The following TTN variants were observed in gnomAD, a reference collection of about 807,000 sequenced individuals.
The protein encoded by TTN is titin, also known as connectin.
A neutral mutation model predicts 3,223.0 loss-of-function variants in TTN; 1,525 were observed. The ratio of observed to expected loss-of-function variants is 0.47; its 90% CI spans 0.45 to 0.49. The LOEUF is 0.49. Ranked by LOEUF, TTN falls within the 20% of genes least tolerant of loss-of-function variation. TTN has a pLI of 0.00. For synonymous variants in TTN, 14,094 were observed against 15,161.0 expected, an observed-to-expected ratio of 0.93 and a Z score of 5.17; for missense variants, 40,786 against 43,424.0, an observed-to-expected ratio of 0.94 and a Z score of 5.40.
In TTN at chr2:178,619,510, G is replaced by T. The variant is rs183952966; in HGVS notation, c.46696+111C>A. The T allele has an allele frequency of 3.6e-6, 5 of 1,376,058 alleles. No individual in the cohort carries two copies. The East Asian group carries it at 9.4e-5, about 26-fold the overall frequency. The allele number at this position is 1,376,058 out of a possible 1,614,324, so 85.2% of individuals were successfully genotyped here. On this transcript the variant is annotated intron_variant, in intron 250 of 362. Coordinates refer to ENST00000589042, the MANE Select transcript of TTN (RefSeq NM_001267550.2). ...ATTAGAGTTGTTAACATGTGGGTAG[G>T]GCTTGCTAGAAATGAAAGACCCTCA...
rs572379183 is a variant in TTN, at chr2:178,630,984, C to T, written c.44015-41G>A. The T allele has an allele frequency of 3.7e-6, 6 of 1,611,346 alleles. No homozygotes were observed. In the South Asian group the frequency reaches 5.5e-5, roughly 15 times the overall value. ...GCCAGCATGGGTCATTAGCCTCTGG[C>T]ACAAATAACCCCAATGCTTCAAGAG... On this transcript the variant is annotated intron_variant, in intron 237 of 362. Transcript: ENST00000589042.
At position 178,775,659 on chromosome 2, in the gene TTN, T is replaced by C. The variant is rs1200982199; in HGVS notation, c.6205A>G (p.Ile2069Val). 6.2e-7 allele frequency: 1 copy of C among 1,614,128 alleles called. No homozygotes were observed. Among genetic ancestry groups the C allele is most frequent in the Admixed American group, 1.7e-5 (1 of 60,014 alleles). ...GCCTCCATACTAGGACTTAGTTCAA[T>C]CTTGTCAGGTTTAAAAGTTGGAATC... ...ITIPTFKPDK[I>V]ELSPSMEAPK... Residue 2069 changes from isoleucine (I) to valine (V), a missense_variant, in exon 28 of 363, where the codon ATT (isoleucine) becomes GTT (valine). By Grantham distance (29) the Ile-to-Val change is conservative. Coordinates refer to ENST00000589042, the MANE Select transcript of TTN (RefSeq NM_001267550.2).
intron 41 of TTN, 144 bp downstream of exon 41, chr2:178,766,234 TATA>T: frequency 1.4e-6 from 1 of 700,342 alleles, no homozygotes; most frequent in East Asian, 2.7e-5. Context: ...TTTCCATAGA[TATA>T]ATGTGAAAAA....
chr2:178,674,648 GA>G (rs1484197497), intron 150 of TTN, among the ~76,000 whole-genome samples: 1 of 150,172 alleles, frequency 6.7e-6, no homozygotes, highest in Non-Finnish European at 1.5e-5. Flanking sequence ...TTTAATGAAA[GA>G]CTTGTTTGAA....
Position 178,732,141 on chromosome 2 carries a change from C to T in TTN, c.16828G>A (p.Asp5610Asn). Residue 5610 changes from aspartate to asparagine, a missense_variant, in exon 57 of 363, where the codon GAC becomes AAC. Asp to Asn is a conservative substitution (Grantham distance 23). Coordinates refer to ENST00000589042, the MANE Select transcript of TTN (RefSeq NM_001267550.2). ...VLRLTDVGIE[D>N]SGEYMCEAQN... Reference sequence around the variant, plus strand: ...GCCTCACACATATATTCACCACTGTCTTCGATGCCAACATCTGTCAGTCTT... The same window carrying T: ...GCCTCACACATATATTCACCACTGTTTTCGATGCCAACATCTGTCAGTCTT... 6.2e-7 allele frequency: 1 copy of T among 1,613,794 alleles called. No homozygotes were observed. Among genetic ancestry groups the T allele is most frequent in the Non-Finnish European group, 8.5e-7 (1 of 1,179,750 alleles).
Position 178,535,240 on chromosome 2 carries a change from T to C in TTN, c.101375A>G (p.Tyr33792Cys). The C allele has an allele frequency of 1.9e-6, 3 of 1,613,986 alleles. No individual in the cohort carries two copies. The highest frequency in any genetic ancestry group is 1.1e-5 in the South Asian group (1 of 91,088). The change falls in exon 358 of 363, where the codon TAT becomes TGT. Residue 33792 changes from tyrosine to cysteine, a missense_variant. Physicochemically the swap from Tyr to Cys is radical, Grantham distance 194. Coordinates refer to ENST00000589042, the MANE Select transcript of TTN (RefSeq NM_001267550.2). ...TKEDKTRAMN[Y>C]DEEVDETREV... is the part of the protein sequence containing the mutation. ...CCTGGTTTCATCTACCTCTTCATCA[T>C]AGTTCATAGCTCTGGTCTTATCTTC... is the stretch of plus-strand genomic sequence containing the variant.
In TTN at chr2:178,554,521, C is replaced by T. The variant is rs758876816; in HGVS notation, c.88826G>A (p.Arg29609Gln). The T allele has an allele frequency of 9.9e-6, 16 of 1,613,524 alleles. No homozygotes were observed. Among genetic ancestry groups the T allele is most frequent in the South Asian group, 9.9e-5 (9 of 91,060 alleles). The change falls in exon 332 of 363, where the codon CGA becomes CAA. Residue 29609 changes from arginine to glutamine, a missense_variant. By Grantham distance (43) the Arg-to-Gln change is conservative (BLOSUM62 1). Transcript: ENST00000589042. ...GCCAATTCCATATTTGTTCACGGCT[C>T]GGACCCGGAAGATGTATTCATTTCC... ...IKGNEYIFRVRAVNKYGIGEP... is the reference protein window; with the variant it reads ...IKGNEYIFRVQAVNKYGIGEP...
intron 47 of TTN, chr2:178,745,563 T>C (rs1443723097): frequency 1.1e-5 from 18 of 1,611,348 alleles, no homozygotes; most frequent in Non-Finnish European, 1.5e-5. Context: ...TAATAATTAC[T>C]GAGGCACTAA....
At position 178,571,937 on chromosome 2, in the gene TTN, T is replaced by C; in HGVS notation, c.74195A>G (p.Asp24732Gly). The change falls in exon 326 of 363, where the codon GAC becomes GGC. Residue 24732 changes from aspartate to glycine, a missense_variant. Physicochemically the swap from Asp to Gly is moderately conservative, Grantham distance 94. Transcript: ENST00000589042. Reference protein sequence around the residue: ...FNTFTVLAGEDLKVDVPFIGR... With the variant: ...FNTFTVLAGEGLKVDVPFIGR... ...AATGAATGGAACATCAACTTTTAGGTCTTCACCTGCCAGTACAGTGAAAGT... is the reference window on the plus strand; with the variant it reads ...AATGAATGGAACATCAACTTTTAGGCCTTCACCTGCCAGTACAGTGAAAGT... The C allele has an allele frequency of 6.2e-7, 1 of 1,613,218 alleles. No individual in the cohort carries two copies. Among genetic ancestry groups the C allele is most frequent in the Non-Finnish European group, 8.5e-7 (1 of 1,179,558 alleles).
chr2:178,793,661 G>A (rs2093627653), intron 8 of TTN, 120 bp from the exon 9 acceptor site: 3 of 1,379,958 alleles, frequency 2.2e-6, no homozygotes, highest in Non-Finnish European at 3.0e-6. Context: ...TTAGCTGGGT[G>A]TGGTGGCGCA....
At position 178,587,932 on chromosome 2, in the gene TTN, G is replaced by C. The variant is rs1218951803; in HGVS notation, c.63475C>G (p.Leu21159Val). ...TCTTTAGGTTTGATAGCTTCCTTTA[G>C]CTCTGCAGGGCGCCCAATACCAACT... ...NQVGIGRPAE[L>V]KEAIKPKEIL... Residue 21159 changes from leucine (L) to valine (V), a missense_variant, in exon 305 of 363, where the codon CTA (leucine) becomes GTA (valine). By Grantham distance (32) the Leu-to-Val change is conservative (BLOSUM62 1). Transcript: ENST00000589042. 6.2e-7 allele frequency: 1 copy of C among 1,605,390 alleles called. No individual in the cohort carries two copies. The highest frequency in any genetic ancestry group is 8.5e-7 in the Non-Finnish European group (1 of 1,174,808).
intron 154 of TTN, 27 bp from the exon 155 acceptor site, chr2:178,672,294 A>AT (rs758374215): frequency 1.4e-5 from 22 of 1,601,256 alleles, no homozygotes; most frequent in Non-Finnish European, 1.8e-5. Flanking sequence ...TTTAAGACTT[A>AT]TTTTTTTAAA....
rs1319416113 is a variant in TTN, at chr2:178,719,189, C to G, written c.24201G>C (p.Glu8067Asp). Residue 8067 changes from glutamate (E) to aspartate (D), a missense_variant, in exon 83 of 363, where the codon GAG becomes GAC. Coordinates refer to ENST00000589042, the MANE Select transcript of TTN (RefSeq NM_001267550.2). Reference protein sequence around the residue: ...CVAANVAGSDECSAVLTVQEP... With the variant: ...CVAANVAGSDDCSAVLTVQEP... The stretch of plus-strand genomic sequence containing the variant: ...CTTGCACAGTCAGGACTGCTGAGCA[C>G]TCATCGGAACCAGCTACATTGGCAG... 6.2e-7 allele frequency: 1 copy of G among 1,613,400 alleles called. No individual in the cohort carries two copies. The highest frequency in any genetic ancestry group is 8.5e-7 in the Non-Finnish European group (1 of 1,179,584).
Position 178,692,503 on chromosome 2 carries a change from G to GT in TTN, c.31671dup (p.Pro10558ThrfsTer5). ...TTCACAAATATTATTCTACCTTTTG[G>GT]TGCTGGGGGCTCCACTTTTTTAGGG... On this transcript the variant is annotated frameshift_variant, in exon 120 of 363. Transcript: ENST00000589042. LOFTEE classifies it high-confidence loss of function. 2.5e-6 allele frequency: 4 copies of GT among 1,578,444 alleles called. No homozygotes were observed. The highest frequency in any genetic ancestry group is 3.4e-6 in the Non-Finnish European group (4 of 1,160,466).
rs757739675 is a variant in TTN at position 178,684,351 on chromosome 2, C to T, written c.32701G>A (p.Glu10901Lys). The stretch of plus-strand genomic sequence containing the variant: ...GTACCTCTTGCTTTTGGAGGCGCCT[C>T]TTTTTTAGTTACAGCAACAAGAACT... ...EKVLVAVTKK[E>K]APPKARVPEE... is the part of the protein sequence containing the mutation. Residue 10901 changes from glutamate (E) to lysine (K), a missense_variant, in exon 132 of 363, where the codon GAG (glutamate) becomes AAG (lysine). Coordinates refer to ENST00000589042, the MANE Select transcript of TTN (RefSeq NM_001267550.2). 6.2e-7 allele frequency: 1 copy of T among 1,613,336 alleles called. No individual in the cohort carries two copies. Among genetic ancestry groups the T allele is most frequent in the Non-Finnish European group, 8.5e-7 (1 of 1,179,626 alleles).
chr2:178,631,633 G>A (rs1018501787), intron 236 of TTN, among the ~76,000 whole-genome samples: 3 of 151,908 alleles, frequency 2.0e-5, no homozygotes, highest in Non-Finnish European at 4.4e-5. Context: ...ATTATGTCTA[G>A]TTTACTTTTA....
Position 178,590,694 on chromosome 2 carries a change from C to A in TTN, c.61031G>T (p.Arg20344Ile). The A allele has an allele frequency of 6.2e-7, 1 of 1,613,160 alleles. No individual in the cohort carries two copies. ...GLYEGNTYEFRVFAENLAGLS... is the reference protein window; with the variant it reads ...GLYEGNTYEFIVFAENLAGLS... Reference sequence around the variant, plus strand: ...TCCTGCAAGATTTTCAGCAAAAACTCTAAACTCATATGTATTTCCTTCATA... The same window carrying A: ...TCCTGCAAGATTTTCAGCAAAAACTATAAACTCATATGTATTTCCTTCATA... The change falls in exon 304 of 363, where the codon AGA (arginine) becomes ATA (isoleucine). Residue 20344 changes from arginine (R) to isoleucine (I), a missense_variant. Arg to Ile is a moderately conservative substitution (Grantham distance 97). Transcript: ENST00000589042.
chr2:178,535,218 G>A lies in TTN; in HGVS notation c.101397C>T (p.Thr33799=). ...AMNYDEEVDE[T]REVSMTKASH... ...ATGCTTTAGTCATGGAGACTTCCCTGGTTTCATCTACCTCTTCATCATAGT... is the reference window on the plus strand; with the variant it reads ...ATGCTTTAGTCATGGAGACTTCCCTAGTTTCATCTACCTCTTCATCATAGT... The change falls in exon 358 of 363, where the codon ACC becomes ACT. Residue 33799 remains threonine, a synonymous_variant. Transcript: ENST00000589042. 6.2e-6 allele frequency: 10 copies of A among 1,613,850 alleles called. No homozygotes were observed. Among genetic ancestry groups the A allele is most frequent in the Non-Finnish European group, 8.5e-6 (10 of 1,179,826 alleles).
At chr2:178,789,633 G>A in intron 12 of TTN, 136 bp from the exon 13 acceptor site, 1 of 1,218,660 alleles carries the variant, frequency 8.2e-7, no homozygotes, top group Non-Finnish European at 1.2e-6. Flanking sequence ...ACTTTCACCG[G>A]CAATGTCTAC....
Sources: allele counts gnomAD v4.1 joint callset (sites outside exome capture counted in the v4.1 genomes callset), GRCh38; gene constraint gnomAD v4.1.1; transcripts MANE v1.5; gene names NCBI Gene and HGNC (gene_info 2026-07-23, HGNC 2026-07-21).